FTO: variants seen among roughly 807,000 people sequenced by gnomAD.
The protein encoded by FTO is FTO alpha-ketoglutarate dependent dioxygenase.
In FTO, 47 loss-of-function variants were observed where a neutral mutation model predicts 63.9. That is an observed-to-expected ratio of 0.74 (90% CI 0.58 to 0.94). FTO has a LOEUF of 0.94. Among genes scored for constraint, FTO ranks in the 40% least tolerant of loss-of-function variants. The pLI is 0.00. For missense variants in FTO, 562 were observed against 618.1 expected (o/e 0.91, Z 0.96); for synonymous variants, 207 against 224.4 (o/e 0.92, Z 0.69).
In FTO at chr16:53,798,771, C is replaced by T. The variant is rs192581341; in HGVS notation, c.46-11369C>T. On this transcript the variant is annotated intron_variant, in intron 1 of 8. Coordinates refer to ENST00000471389, the MANE Select transcript of FTO (RefSeq NM_001080432.3). ...CACTTCTTTTTCTTGCCTTGTTGCA[C>T]GGGCTAGAACCTTCAGTACAATCTG... Among the ~76,000 whole-genome samples the T allele has an allele frequency of 1.1e-3, 169 of 152,266 alleles. 2 individuals are homozygous for T. Among genetic ancestry groups the T allele is most frequent in the Admixed American group, 3.5e-3 (54 of 15,280 alleles).
intron 1 of FTO, among the ~76,000 whole-genome samples, chr16:53,762,709 A>G (rs2077098992): frequency 6.6e-6 from 1 of 152,206 alleles, no homozygotes; most frequent in Admixed American, 6.5e-5. Context: ...GAAAAGGAAA[A>G]TAAAGAAATG....
At chr16:53,911,290 C>T in intron 7 of FTO, 2 of 678,912 alleles carry the variant, frequency 2.9e-6, no homozygotes, top group Non-Finnish European at 5.4e-6. Flanking sequence ...GTAGGGTGAC[C>T]TAGTCTGAAG....
chr16:53,772,062 C>T (rs943695574), intron 1 of FTO, among the ~76,000 whole-genome samples: 2 of 152,068 alleles, frequency 1.3e-5, no homozygotes, highest in African/African-American at 2.4e-5. Flanking sequence ...TATGAATATA[C>T]TTTCTGGCTT....
chr16:54,021,007 CA>C (rs1471969941), intron 8 of FTO, among the ~76,000 whole-genome samples: 1 of 152,110 alleles, frequency 6.6e-6, no homozygotes, highest in Non-Finnish European at 1.5e-5. Flanking sequence ...TAGGTTATGG[CA>C]CCAAGAATAA....
chr16:53,766,178 A>C (rs1339861348), intron 1 of FTO, among the ~76,000 whole-genome samples: 1 of 152,218 alleles, frequency 6.6e-6, no homozygotes, highest in Non-Finnish European at 1.5e-5. Context: ...AGAACAATCA[A>C]GGAAAATTTC....
chr16:53,854,731 G>C (rs1050589098), intron 4 of FTO, among the ~76,000 whole-genome samples: 1 of 152,030 alleles, frequency 6.6e-6, no homozygotes, highest in Non-Finnish European at 1.5e-5. Flanking sequence ...CTCCAGATTT[G>C]TTCTATTTGT....
At chr16:53,750,944 T>C (rs1233888102) in intron 1 of FTO, among the ~76,000 whole-genome samples, 2 of 152,236 alleles carry the variant, frequency 1.3e-5, no homozygotes, top group African/African-American at 4.8e-5. Flanking sequence ...GAACTGTTCT[T>C]CCTCTGTGCT....
rs180982927 is a variant in FTO at position 53,828,866 on chromosome 16, G to A, written c.751+2375G>A. On this transcript the variant is annotated intron_variant, in intron 3 of 8. Coordinates refer to ENST00000471389, the MANE Select transcript of FTO (RefSeq NM_001080432.3). Reference sequence around the variant, plus strand: ...TATTTCTTATCCCAGCAGTGTAGCCGTCTCAGGGATTTTATTTTATTATTT... The same window carrying A: ...TATTTCTTATCCCAGCAGTGTAGCCATCTCAGGGATTTTATTTTATTATTT... Among the ~76,000 whole-genome samples, 341 of 152,164 alleles carry A rather than the reference G, an allele frequency of 2.2e-3. 1 individual carries two copies. Among genetic ancestry groups the A allele is most frequent in the Admixed American group, 4.0e-3 (61 of 15,276 alleles).
intron 6 of FTO, among the ~76,000 whole-genome samples, chr16:53,882,461 T>G (rs1038258088): frequency 1.1e-4 from 17 of 151,740 alleles, no homozygotes; most frequent in Non-Finnish European, 2.2e-4. Context: ...AGCAGAGAAT[T>G]GAAGGACATG....
chr16:54,073,885 T>C (rs1433849405), intron 8 of FTO, among the ~76,000 whole-genome samples: 1 of 152,162 alleles, frequency 6.6e-6, no homozygotes, highest in Non-Finnish European at 1.5e-5. Context: ...CAAAATTGAG[T>C]GCAAATTCAG....
chr16:54,108,522 G>A (rs766163021), intron 8 of FTO, among the ~76,000 whole-genome samples: 1 of 152,178 alleles, frequency 6.6e-6, no homozygotes, highest in Non-Finnish European at 1.5e-5. Flanking sequence ...CCTAGAAGGA[G>A]TCTGTCTAGA....
chr16:53,928,984 C>T (rs34350361), intron 7 of FTO, among the ~76,000 whole-genome samples: 10,551 of 152,076 alleles, frequency 0.069, 550 homozygotes, highest in Admixed American at 0.15. Context: ...GCTGGGATTA[C>T]AGAAGTATGC....
chr16:54,004,334 G>A (rs964304029), intron 8 of FTO, among the ~76,000 whole-genome samples: 25 of 152,152 alleles, frequency 1.6e-4, no homozygotes, highest in African/African-American at 6.0e-4. Flanking sequence ...CCAGACTACA[G>A]TGAGTTATGA....
intron 8 of FTO, among the ~76,000 whole-genome samples, chr16:54,073,245 T>C (rs575223227): frequency 2.2e-4 from 33 of 152,144 alleles, no homozygotes; most frequent in Admixed American, 1.0e-3. Flanking sequence ...TCTTCCCAAA[T>C]GGAATCCAAC....
intron 1 of FTO, among the ~76,000 whole-genome samples, chr16:53,739,470 T>G (rs1307266600): frequency 2.7e-5 from 4 of 150,878 alleles, no homozygotes; most frequent in Non-Finnish European, 5.9e-5. Context: ...CGCCTTGGCC[T>G]CCCAAAGTGC....
At chr16:53,805,819 G>C (rs182784610) in intron 1 of FTO, among the ~76,000 whole-genome samples, 2 of 152,310 alleles carry the variant, frequency 1.3e-5, no homozygotes, top group Non-Finnish European at 2.9e-5. Flanking sequence ...GTGGTAGCCT[G>C]TGTGCAGGGG....
chr16:53,723,165 T>C (rs2076080254), intron 1 of FTO, among the ~76,000 whole-genome samples: 1 of 152,238 alleles, frequency 6.6e-6, no homozygotes, highest in Non-Finnish European at 1.5e-5. Flanking sequence ...ATATATTTTA[T>C]GTCTGCAGAA....
intron 8 of FTO, among the ~76,000 whole-genome samples, chr16:54,105,058 A>G (rs1346946747): frequency 6.6e-6 from 1 of 152,246 alleles, no homozygotes; most frequent in Non-Finnish European, 1.5e-5. Flanking sequence ...GGTAAAGCAG[A>G]GAAGCATTAA....
intron 8 of FTO, among the ~76,000 whole-genome samples, chr16:54,007,390 T>G (rs537136323): frequency 6.6e-6 from 1 of 152,306 alleles, no homozygotes; most frequent in East Asian, 1.9e-4. Context: ...CCAGGTGTTC[T>G]GAGTTCAGAG....
Sources: gnomAD v4.1 joint callset for allele counts (sites outside exome capture counted in the v4.1 genomes callset) on GRCh38, gnomAD v4.1.1 for gene constraint, MANE v1.5 for transcripts, NCBI Gene and HGNC (gene_info 2026-07-23, HGNC 2026-07-21) for gene names.